The following EPHA7 variants were observed in gnomAD, a reference collection of about 807,000 sequenced individuals.
EPHA7 encodes ephrin type-A receptor 7.
Under a neutral mutation model 112.6 loss-of-function variants are expected in EPHA7, and 25 were observed. The observed-to-expected ratio is 0.22, with a 90% CI of 0.16 to 0.31. The LOEUF is 0.31. EPHA7 is among the 10% of genes least tolerant of loss of function. The probability of loss-of-function intolerance (pLI) is 1.00; values close to 1 mark genes in which losing one functional copy is unlikely to be tolerated. For missense variants in EPHA7, 962 were observed against 1,212.6 expected (o/e 0.79, Z 3.07); for synonymous variants, 437 against 406.5 (o/e 1.07, Z -0.90).
Position 93,240,493 on chromosome 6 carries a change from G to A in EPHA7, c.*2933C>T, listed in dbSNP as rs901199036. The stretch of plus-strand genomic sequence containing the variant: ...AATATGATTCAACTAATAGTGCTCT[G>A]ACAAGCATAAACCACCAGTTCTAGT... On this transcript the variant is annotated 3_prime_UTR_variant, in exon 17 of 17. Coordinates refer to ENST00000369303, the MANE Select transcript of EPHA7 (RefSeq NM_004440.4). 3 of 218,716 alleles carry A rather than the reference G, an allele frequency of 1.4e-5. No individual in the cohort carries two copies. The highest frequency in any genetic ancestry group is 2.7e-5 in the Non-Finnish European group (3 of 109,160). The allele number at this position is 218,716 out of a possible 1,614,324, so 13.5% of individuals were successfully genotyped here.
At chr6:93,405,813 G>GTATATATATATATA (rs60882775) in intron 3 of EPHA7, among the ~76,000 whole-genome samples, 11 of 73,978 alleles carry the variant, frequency 1.5e-4, no homozygotes, top group South Asian at 6.1e-4. Context: ...GTGTGTGTGT[G>GTATATATATATATA]TATATATATA....
chr6:93,339,973 C>A (rs931300895), intron 5 of EPHA7, among the ~76,000 whole-genome samples: 1 of 151,568 alleles, frequency 6.6e-6, no homozygotes, highest in Non-Finnish European at 1.5e-5. Flanking sequence ...AATGGTGTTA[C>A]AGGGAACAAT....
At chr6:93,295,233 T>C (rs1013994986) in intron 5 of EPHA7, among the ~76,000 whole-genome samples, 1 of 152,052 alleles carries the variant, frequency 6.6e-6, no homozygotes, top group Non-Finnish European at 1.5e-5. Context: ...TTTACATATC[T>C]GCAGTTCAAC....
intron 5 of EPHA7, among the ~76,000 whole-genome samples, chr6:93,301,211 C>A (rs1772959906): frequency 6.6e-6 from 1 of 151,954 alleles, no homozygotes; most frequent in Non-Finnish European, 1.5e-5. Context: ...AATGTATTTT[C>A]TTTTAAGTTT....
chr6:93,364,711 C>T (rs772618246), intron 3 of EPHA7, among the ~76,000 whole-genome samples: 33 of 151,740 alleles, frequency 2.2e-4, no homozygotes, highest in Middle Eastern at 3.4e-3. Context: ...AAGAAATTAC[C>T]TATGTACAAC....
chr6:93,371,047 CCAGCTACT>C (rs1776768904), intron 3 of EPHA7, among the ~76,000 whole-genome samples: 1 of 151,540 alleles, frequency 6.6e-6, no homozygotes, highest in African/African-American at 2.4e-5. Flanking sequence ...GCCTGTAGTC[CCAGCTACT>C]CAGGAGGCTG....
intron 5 of EPHA7, among the ~76,000 whole-genome samples, chr6:93,299,972 T>C (rs1344079835): frequency 6.6e-6 from 1 of 152,032 alleles, no homozygotes; most frequent in African/African-American, 2.4e-5. Flanking sequence ...GGAGCCTACT[T>C]GAAGATGGAT....
At chr6:93,348,185 A>G (rs1323165883) in intron 5 of EPHA7, among the ~76,000 whole-genome samples, 1 of 151,826 alleles carries the variant, frequency 6.6e-6, no homozygotes, top group Non-Finnish European at 1.5e-5. Flanking sequence ...TGAGGTGGCA[A>G]GATTAGGGTG....
chr6:93,355,616 A>G (rs1037296010), intron 5 of EPHA7, among the ~76,000 whole-genome samples: 2 of 152,210 alleles, frequency 1.3e-5, no homozygotes, highest in African/African-American at 4.8e-5. Flanking sequence ...ATCTATCTTC[A>G]GCAATAAGAA....
At chr6:93,413,478 A>G (rs567652903) in intron 2 of EPHA7, among the ~76,000 whole-genome samples, 144 of 152,042 alleles carry the variant, frequency 9.5e-4, no homozygotes, top group African/African-American at 3.3e-3. Flanking sequence ...AAAATGGGCT[A>G]CATCTGTCAT....
chr6:93,285,214 A>G (rs1562068632), intron 5 of EPHA7, among the ~76,000 whole-genome samples: 1 of 152,158 alleles, frequency 6.6e-6, no homozygotes, highest in Non-Finnish European at 1.5e-5. Context: ...TGCAACTTCT[A>G]TTTTAAAGTT....
chr6:93,284,048 A>G (rs1018888297), intron 5 of EPHA7, among the ~76,000 whole-genome samples: 4 of 152,220 alleles, frequency 2.6e-5, no homozygotes, highest in Non-Finnish European at 5.9e-5. Flanking sequence ...GTTCCATATT[A>G]TACCATTAAT....
chr6:93,278,746 G>A (rs1771588641), intron 5 of EPHA7, among the ~76,000 whole-genome samples: 1 of 151,642 alleles, frequency 6.6e-6, no homozygotes, highest in South Asian at 2.1e-4. Flanking sequence ...GTGTGAAGAA[G>A]CTGAGCCTTA....
At chr6:93,372,193 A>G (rs1379911135) in intron 3 of EPHA7, among the ~76,000 whole-genome samples, 2 of 152,190 alleles carry the variant, frequency 1.3e-5, no homozygotes, top group African/African-American at 4.8e-5. Context: ...AACATTTGTG[A>G]GTGGATGAAC....
chr6:93,325,763 C>T (rs1278072254), intron 5 of EPHA7, among the ~76,000 whole-genome samples: 1 of 151,308 alleles, frequency 6.6e-6, no homozygotes, highest in East Asian at 1.9e-4. Flanking sequence ...TTACTAGACA[C>T]ACTTTGAAGT....
chr6:93,414,098 A>G (rs2127996946), intron 2 of EPHA7, among the ~76,000 whole-genome samples: 1 of 151,982 alleles, frequency 6.6e-6, no homozygotes, highest in South Asian at 2.1e-4. Flanking sequence ...GACAATTTTC[A>G]CTCATATCTA....
chr6:93,306,845 G>A (rs571246981), intron 5 of EPHA7, among the ~76,000 whole-genome samples: 1 of 151,908 alleles, frequency 6.6e-6, no homozygotes, highest in Non-Finnish European at 1.5e-5. Flanking sequence ...CTTAGTTTTG[G>A]TCATCATGTG....
intron 13 of EPHA7, among the ~76,000 whole-genome samples, chr6:93,255,356 A>G (rs1483104298): frequency 6.6e-6 from 1 of 151,812 alleles, no homozygotes; most frequent in East Asian, 1.9e-4. Context: ...CTCAACAACA[A>G]CAACAACAAC....
intron 5 of EPHA7, among the ~76,000 whole-genome samples, chr6:93,300,824 C>T (rs1012685831): frequency 2.6e-5 from 4 of 152,104 alleles, no homozygotes; most frequent in Non-Finnish European, 5.9e-5. Flanking sequence ...CTGAATAATG[C>T]ATCATTCGGT....
Sources: allele counts gnomAD v4.1 joint callset (sites outside exome capture counted in the v4.1 genomes callset), GRCh38; gene constraint gnomAD v4.1.1; transcripts MANE v1.5; gene names NCBI Gene and HGNC (gene_info 2026-07-23, HGNC 2026-07-21).